Variants in DOCK10 observed in about 807,000 individuals in gnomAD.
The protein encoded by DOCK10 is dedicator of cytokinesis 10, also known as dedicator of cytokinesis protein 10.
A neutral mutation model predicts 280.1 loss-of-function variants in DOCK10; 145 were observed. The observed-to-expected ratio is 0.52, with a 90% CI of 0.45 to 0.59. DOCK10 has a LOEUF of 0.59. Among genes scored for constraint, DOCK10 ranks in the 20% least tolerant of loss-of-function variants. The probability of loss-of-function intolerance (pLI) is 0.00; values close to 1 mark genes in which losing one functional copy is unlikely to be tolerated. For synonymous variants in DOCK10, 915 were observed against 942.2 expected (o/e 0.97, Z 0.53); for missense variants, 2,368 against 2,651.7 (o/e 0.89, Z 2.35).
intron 7 of DOCK10, among the ~76,000 whole-genome samples, chr2:224,878,018 T>C (rs1698747784): frequency 6.6e-6 from 1 of 152,164 alleles, no homozygotes. Context: ...AGAATACAAA[T>C]AAGAGAAGAG....
intron 1 of DOCK10, among the ~76,000 whole-genome samples, chr2:224,934,994 A>G (rs1359236082): frequency 6.6e-6 from 1 of 152,198 alleles, no homozygotes; most frequent in African/African-American, 2.4e-5. Context: ...TTCTTCTTAC[A>G]GAGAATTAAG....
At chr2:224,888,908 G>T (rs1699495441) in intron 4 of DOCK10, among the ~76,000 whole-genome samples, 1 of 152,002 alleles carries the variant, frequency 6.6e-6, no homozygotes, top group Non-Finnish European at 1.5e-5. Flanking sequence ...GTGTAAAATG[G>T]AATATTATTC....
chr2:224,894,589 G>GAATGTAACAATTACTC (rs780075217), intron 4 of DOCK10, among the ~76,000 whole-genome samples: 6 of 152,218 alleles, frequency 3.9e-5, no homozygotes, highest in Non-Finnish European at 7.3e-5. Flanking sequence ...CAGACATTCT[G>GAATGTAACAATTACTC]AATGTAACAA....
intron 3 of DOCK10, among the ~76,000 whole-genome samples, chr2:224,898,221 C>T (rs1025738539): frequency 4.6e-5 from 7 of 152,118 alleles, no homozygotes; most frequent in Non-Finnish European, 7.4e-5. Flanking sequence ...AAACGCAGGG[C>T]GAGGGGACGG....
At chr2:224,943,762 T>A (rs1246853962) in intron 1 of DOCK10, among the ~76,000 whole-genome samples, 102 of 57,168 alleles carry the variant, frequency 1.8e-3, no homozygotes, top group African/African-American at 7.5e-3. Flanking sequence ...TTTTCTTTTC[T>A]TTTTTTTTTT....
At chr2:225,018,427 A>G (rs1339586847) in intron 1 of DOCK10, among the ~76,000 whole-genome samples, 1 of 150,262 alleles carries the variant, frequency 6.7e-6, no homozygotes, top group Non-Finnish European at 1.5e-5. Context: ...ATTTCACAGA[A>G]GGCAACAAGT....
chr2:225,015,147 C>A (rs767814155), intron 1 of DOCK10, among the ~76,000 whole-genome samples: 2 of 152,100 alleles, frequency 1.3e-5, no homozygotes, highest in Non-Finnish European at 2.9e-5. Context: ...GTGCATGTTA[C>A]AAAGTTTGTA....
At chr2:224,916,630 G>A (rs1701339773) in intron 3 of DOCK10, 65 bp downstream of exon 3, 3 of 1,060,218 alleles carry the variant, frequency 2.8e-6, no homozygotes, top group Non-Finnish European at 4.2e-6. Context: ...ATAGTAAATT[G>A]CATTGAGAAT....
intron 40 of DOCK10, among the ~76,000 whole-genome samples, chr2:224,800,924 A>G (rs1228958515): frequency 6.6e-6 from 1 of 152,130 alleles, no homozygotes; most frequent in Non-Finnish European, 1.5e-5. Context: ...GAAAGGCAGG[A>G]CAACTGAAAG....
At chr2:224,955,159 C>T (rs1559857611) in intron 1 of DOCK10, among the ~76,000 whole-genome samples, 1 of 152,174 alleles carries the variant, frequency 6.6e-6, no homozygotes, top group Non-Finnish European at 1.5e-5. Context: ...TCAAACTACT[C>T]ATTACCTTGC....
At chr2:224,820,330 C>T (rs1480528970) in intron 28 of DOCK10, among the ~76,000 whole-genome samples, 1 of 152,224 alleles carries the variant, frequency 6.6e-6, no homozygotes, top group Non-Finnish European at 1.5e-5. Flanking sequence ...AACCAGTAAC[C>T]AAGCTACCAC....
intron 1 of DOCK10, among the ~76,000 whole-genome samples, chr2:225,007,598 G>A (rs1402243110): frequency 2.6e-5 from 4 of 152,164 alleles, no homozygotes; most frequent in African/African-American, 9.7e-5. Flanking sequence ...CCAACCTGAT[G>A]AGGAATCTAA....
chr2:224,865,224 A>G, intron 11 of DOCK10, 137 bp from the exon 12 acceptor site: 1 of 754,264 alleles, frequency 1.3e-6, no homozygotes, highest in Non-Finnish European at 2.1e-6. Context: ...GTGACCCGGA[A>G]TCCTGTCCTC....
intron 1 of DOCK10, chr2:224,982,316 T>C: frequency 8.1e-7 from 1 of 1,232,048 alleles, no homozygotes; most frequent in Non-Finnish European, 1.0e-6. Flanking sequence ...ACAGCTCCTC[T>C]GGACCACAGA....
chr2:224,977,132 C>G (rs1705489384), intron 1 of DOCK10, among the ~76,000 whole-genome samples: 1 of 152,172 alleles, frequency 6.6e-6, no homozygotes, highest in South Asian at 2.1e-4. Flanking sequence ...AATTTCCTGC[C>G]TTAGACGAAA....
rs1559986747 is a variant in DOCK10 at position 225,035,572 on chromosome 2, A to ATATATATATATATATATATATAT, written c.123+6679_123+6680insATATATATATATATATATATATA. Among the ~76,000 whole-genome samples, 320 of 69,942 alleles carry ATATATATATATATATATATATAT rather than the reference A, an allele frequency of 4.6e-3. 17 individuals carry two copies. The highest frequency in any genetic ancestry group is 0.019 in the Middle Eastern group (2 of 106). 45.9% of individuals were successfully genotyped at this position (69,942 alleles called of 152,430 possible). A position where few individuals can be genotyped will look rare whatever the true frequency, so the allele number is the denominator to read the frequency against. ...TATATATATATATATATATATATATATATATATATATATATAACACTGAAT... is the reference window on the plus strand; with the variant it reads ...TATATATATATATATATATATATATATATATATATATATATATATATATTATATATATATATATAACACTGAAT... On this transcript the variant is annotated intron_variant, in intron 1 of 55. Coordinates refer to ENST00000258390, the MANE Select transcript of DOCK10 (RefSeq NM_014689.3).
At chr2:224,965,692 G>T (rs1341646640) in intron 1 of DOCK10, among the ~76,000 whole-genome samples, 1 of 152,132 alleles carries the variant, frequency 6.6e-6, no homozygotes, top group Non-Finnish European at 1.5e-5. Flanking sequence ...AATAGCAGGT[G>T]CTCCATAATT....
At chr2:225,019,871 A>C (rs113935838) in intron 1 of DOCK10, among the ~76,000 whole-genome samples, 396 of 152,372 alleles carry the variant, frequency 2.6e-3, no homozygotes, top group African/African-American at 8.9e-3. Context: ...GAAGTAAGGC[A>C]AATTCCCATG....
At chr2:224,767,789 A>G (rs1159783713) in intron 55 of DOCK10, among the ~76,000 whole-genome samples, 1 of 152,086 alleles carries the variant, frequency 6.6e-6, no homozygotes. Flanking sequence ...TCCTCCCATC[A>G]ACTCTCACTT....
Sources: gnomAD v4.1 joint callset for allele counts (sites outside exome capture counted in the v4.1 genomes callset) on GRCh38, gnomAD v4.1.1 for gene constraint, MANE v1.5 for transcripts, NCBI Gene and HGNC (gene_info 2026-07-23, HGNC 2026-07-21) for gene names.